The following SLC4A4 variants were observed in gnomAD, a reference collection of about 807,000 sequenced individuals.
SLC4A4 encodes solute carrier family 4 member 4, also known as electrogenic sodium bicarbonate cotransporter 1.
SLC4A4 carries 27 observed loss-of-function variants against 111.5 expected under a neutral mutation model. The ratio of observed to expected loss-of-function variants is 0.24; its 90% CI spans 0.18 to 0.33. The LOEUF is 0.33. SLC4A4 is among the 10% of genes least tolerant of loss of function. SLC4A4 has a pLI of 1.00. For missense variants in SLC4A4, 909 were observed against 1,315.5 expected, an observed-to-expected ratio of 0.69 and a Z score of 4.78; for synonymous variants, 443 against 463.4, an observed-to-expected ratio of 0.96 and a Z score of 0.57.
chr4:71,086,318 G>C (rs1425112394), intron 1 of SLC4A4, among the ~76,000 whole-genome samples: 1 of 151,696 alleles, frequency 6.6e-6, no homozygotes, highest in African/African-American at 2.4e-5. Flanking sequence ...AGACGATGGG[G>C]TTTTCTAGAA....
chr4:71,496,289 G>A (rs1466558529), intron 15 of SLC4A4, among the ~76,000 whole-genome samples: 1 of 152,062 alleles, frequency 6.6e-6, no homozygotes, highest in Non-Finnish European at 1.5e-5. Context: ...TGTTATAGAA[G>A]CAGATTCAGA....
At chr4:71,375,721 T>C (rs1732287293) in intron 6 of SLC4A4, among the ~76,000 whole-genome samples, 1 of 152,142 alleles carries the variant, frequency 6.6e-6, no homozygotes, top group Admixed American at 6.5e-5. Flanking sequence ...ATTGACAAAC[T>C]GTGGCCTATG....
chr4:71,109,812 G>A lies in SLC4A4; in HGVS notation c.-2+17020G>A, dbSNP rs76170274. On this transcript the variant is annotated intron_variant, in intron 2 of 26. Coordinates refer to the SLC4A4 transcript ENST00000649996. ...TCGTCCTCGGCCTCCCGAAGTGCTG[G>A]GATTATAGACATGAGCCACCACACC... 1.8e-4 allele frequency among the ~76,000 whole-genome samples: 28 copies of A among 152,142 alleles called. No homozygotes were observed. The East Asian group carries it at 4.7e-3, about 25-fold the overall frequency.
chr4:71,449,927 G>A (rs1458329297), intron 9 of SLC4A4, among the ~76,000 whole-genome samples: 3 of 152,162 alleles, frequency 2.0e-5, no homozygotes, highest in African/African-American at 4.8e-5. Flanking sequence ...CTCACATTGT[G>A]TGTTTGAGAG....
At chr4:71,311,702 T>G (rs1407581493) in intron 3 of SLC4A4, among the ~76,000 whole-genome samples, 1 of 152,184 alleles carries the variant, frequency 6.6e-6, no homozygotes, top group Non-Finnish European at 1.5e-5. Context: ...GAGGGAAATT[T>G]ATAGCACTCA....
intron 6 of SLC4A4, among the ~76,000 whole-genome samples, chr4:71,359,058 C>A (rs1051003407): frequency 6.6e-6 from 1 of 152,218 alleles, no homozygotes; most frequent in Non-Finnish European, 1.5e-5. Context: ...TGATGAGCTT[C>A]ATTTCCATGG....
intron 23 of SLC4A4, among the ~76,000 whole-genome samples, chr4:71,560,815 GT>G (rs1736920176): frequency 6.6e-6 from 1 of 151,740 alleles, no homozygotes; most frequent in African/African-American, 2.4e-5. Context: ...GGGAATGGGA[GT>G]TTGGGGTCTT....
At chr4:71,135,875 A>G (rs929949648) in intron 2 of SLC4A4, among the ~76,000 whole-genome samples, 6 of 152,154 alleles carry the variant, frequency 3.9e-5, no homozygotes, top group Non-Finnish European at 4.4e-5. Flanking sequence ...AGGGAAGAAT[A>G]CTTGTACTCT....
At chr4:71,066,952 CTT>C (rs1187838222) in intron 1 of SLC4A4, among the ~76,000 whole-genome samples, 2 of 152,190 alleles carry the variant, frequency 1.3e-5, no homozygotes, top group African/African-American at 4.8e-5. Context: ...TGGCCTATGA[CTT>C]TACTTCGCTC....
intron 20 of SLC4A4, among the ~76,000 whole-genome samples, chr4:71,548,029 C>T (rs2278892): frequency 6.6e-6 from 1 of 151,854 alleles, no homozygotes; most frequent in African/African-American, 2.4e-5. Context: ...TCTTCTCCCC[C>T]TCCTCCACAC....
intron 2 of SLC4A4, among the ~76,000 whole-genome samples, chr4:71,181,453 G>A (rs1745291411): frequency 6.6e-6 from 1 of 152,142 alleles, no homozygotes; most frequent in South Asian, 2.1e-4. Flanking sequence ...AGCAAATAGT[G>A]CTTTTAATTG....
chr4:71,443,642 G>A (rs1724976840), intron 8 of SLC4A4, among the ~76,000 whole-genome samples: 1 of 152,038 alleles, frequency 6.6e-6, no homozygotes. Flanking sequence ...AATGTTTTAG[G>A]GTTCTCTTAT....
intron 3 of SLC4A4, among the ~76,000 whole-genome samples, chr4:71,311,890 T>TGTGA (rs1553888177): frequency 4.0e-4 from 31 of 76,610 alleles, no homozygotes; most frequent in African/African-American, 1.1e-3. Flanking sequence ...TGCAAGGCTG[T>TGTGA]GAGAGAGAGA....
At chr4:71,443,152 A>ATATATATATATAT (rs1724918756) in intron 8 of SLC4A4, among the ~76,000 whole-genome samples, 38 of 113,912 alleles carry the variant, frequency 3.3e-4, no homozygotes, top group African/African-American at 6.6e-4. Context: ...ATATATATAT[A>ATATATATATATAT]AATTTTTTGA....
At chr4:71,427,849 C>T (rs980263694) in intron 7 of SLC4A4, among the ~76,000 whole-genome samples, 2 of 152,090 alleles carry the variant, frequency 1.3e-5, no homozygotes, top group East Asian at 1.9e-4. Flanking sequence ...CAGAGATACC[C>T]GCCATGATAG....
intron 3 of SLC4A4, among the ~76,000 whole-genome samples, chr4:71,280,126 C>T (rs1382002285): frequency 2.0e-5 from 3 of 152,162 alleles, no homozygotes; most frequent in East Asian, 3.9e-4. Flanking sequence ...ACCATTCTAA[C>T]AGGTGTGAGG....
At position 71,356,997 on chromosome 4, in the gene SLC4A4, T is replaced by C; in HGVS notation, c.551-11T>C. On this transcript the variant is annotated splice_polypyrimidine_tract_variant and intron_variant, in intron 5 of 25. Transcript: ENST00000264485. ...ACTGAGTTTTGTTTTTTGCTTTTGTTTTTGTACCAGAGATGATTGTTGACC... is the reference window on the plus strand; with the variant it reads ...ACTGAGTTTTGTTTTTTGCTTTTGTCTTTGTACCAGAGATGATTGTTGACC... 1 of 1,613,328 alleles carries C rather than the reference T, an allele frequency of 6.2e-7. No homozygotes were observed. The highest frequency in any genetic ancestry group is 8.5e-7 in the Non-Finnish European group (1 of 1,179,636).
intron 7 of SLC4A4, among the ~76,000 whole-genome samples, chr4:71,420,388 T>G (rs1185659987): frequency 1.3e-5 from 2 of 152,040 alleles, no homozygotes; most frequent in Non-Finnish European, 2.9e-5. Context: ...ATGGGGAGAA[T>G]GGAACCAAGT....
intron 18 of SLC4A4, among the ~76,000 whole-genome samples, chr4:71,537,554 A>G (rs1369438605): frequency 6.6e-6 from 1 of 152,044 alleles, no homozygotes; most frequent in Non-Finnish European, 1.5e-5. Flanking sequence ...CACAGAGATA[A>G]TGTGAATTCC....
Sources: gnomAD v4.1 joint callset for allele counts (sites outside exome capture counted in the v4.1 genomes callset) on GRCh38, gnomAD v4.1.1 for gene constraint, MANE v1.5 for transcripts, NCBI Gene and HGNC (gene_info 2026-07-23, HGNC 2026-07-21) for gene names.